The following PDZRN3 variants were observed in gnomAD, a reference collection of about 807,000 sequenced individuals.
PDZRN3 encodes the protein PDZ domain containing ring finger 3.
Under a neutral mutation model 85.7 loss-of-function variants are expected in PDZRN3, and 38 were observed. The observed-to-expected ratio is 0.44, with a 90% CI of 0.34 to 0.58. The LOEUF (loss-of-function observed/expected upper bound fraction) is 0.58. Among genes scored for constraint, PDZRN3 ranks in the 20% least tolerant of loss-of-function variants. PDZRN3 has a pLI of 0.01. For missense variants in PDZRN3, 1,629 were observed against 1,506.4 expected (o/e 1.08, Z -1.35); for synonymous variants, 759 against 638.0 (o/e 1.19, Z -2.86).
At chr3:73,583,907 T>A (rs993619213) in intron 3 of PDZRN3, among the ~76,000 whole-genome samples, 1 of 152,176 alleles carries the variant, frequency 6.6e-6, no homozygotes, top group Non-Finnish European at 1.5e-5. Context: ...CAGCAAGGTG[T>A]CTACCACCAC....
At chr3:73,480,838 C>T (rs1276230552) in intron 3 of PDZRN3, among the ~76,000 whole-genome samples, 10 of 152,150 alleles carry the variant, frequency 6.6e-5, no homozygotes, top group Admixed American at 5.2e-4. Flanking sequence ...GGCCAAAGAC[C>T]CTTGCATTCA....
intron 3 of PDZRN3, among the ~76,000 whole-genome samples, chr3:73,496,015 T>A (rs1703859306): frequency 6.6e-6 from 1 of 151,896 alleles, no homozygotes; most frequent in Admixed American, 6.6e-5. Context: ...TTAATTGATG[T>A]GTTAATTATA....
At chr3:73,588,775 C>T (rs896118713) in intron 3 of PDZRN3, among the ~76,000 whole-genome samples, 1 of 152,210 alleles carries the variant, frequency 6.6e-6, no homozygotes, top group Non-Finnish European at 1.5e-5. Context: ...AAGAATGTTG[C>T]TTTAAGAATA....
rs1202036345 is a variant in PDZRN3, at chr3:73,551,829, G to A, written c.918+50525C>T. 3.3e-5 allele frequency among the ~76,000 whole-genome samples: 5 copies of A among 152,052 alleles called. No individual in the cohort carries two copies. In the East Asian group the frequency reaches 9.6e-4, roughly 29 times the overall value. On this transcript the variant is annotated intron_variant, in intron 3 of 9. Coordinates refer to ENST00000263666, the MANE Select transcript of PDZRN3 (RefSeq NM_015009.3). ...CTACCTTCTTGAAGCAGTAGACTAA[G>A]CCTATGTTTATACCTGCATGTGATT...
intron 3 of PDZRN3, among the ~76,000 whole-genome samples, chr3:73,480,314 G>T (rs1189846602): frequency 1.3e-5 from 2 of 152,144 alleles, no homozygotes; most frequent in African/African-American, 4.8e-5. Context: ...TTGTGATCTG[G>T]TTTTAACACC....
chr3:73,542,816 C>T (rs1316851108), intron 3 of PDZRN3, among the ~76,000 whole-genome samples: 3 of 152,036 alleles, frequency 2.0e-5, no homozygotes, highest in African/African-American at 4.8e-5. Context: ...AAAAGACTCT[C>T]TTGCTGAAGA....
At chr3:73,484,081 C>T (rs1470031314) in intron 3 of PDZRN3, among the ~76,000 whole-genome samples, 3 of 151,750 alleles carry the variant, frequency 2.0e-5, no homozygotes, top group Non-Finnish European at 4.4e-5. Context: ...GATGCGGGGG[C>T]CTGGGGTGGA....
In PDZRN3 at chr3:73,484,760, A is replaced by T. The variant is rs960912490; in HGVS notation, c.919-80365T>A. 3.3e-5 allele frequency among the ~76,000 whole-genome samples: 5 copies of T among 152,304 alleles called. No individual in the cohort carries two copies. In the East Asian group the frequency reaches 9.7e-4, roughly 29 times the overall value. ...CACCAGCAACACCCATGAGCTTCTT[A>T]GAAATTCAGAATCTCAGGCTCCTCT... On this transcript the variant is annotated intron_variant, in intron 3 of 9. Coordinates refer to ENST00000263666, the MANE Select transcript of PDZRN3 (RefSeq NM_015009.3).
chr3:73,462,980 C>T (rs1703139720), intron 3 of PDZRN3, among the ~76,000 whole-genome samples: 1 of 152,154 alleles, frequency 6.6e-6, no homozygotes, highest in South Asian at 2.1e-4. Flanking sequence ...ATGCAATCAC[C>T]TTCAGTCATT....
chr3:73,587,085 C>T (rs1702288737), intron 3 of PDZRN3, among the ~76,000 whole-genome samples: 1 of 152,218 alleles, frequency 6.6e-6, no homozygotes, highest in African/African-American at 2.4e-5. Context: ...ATCAGAAAGA[C>T]ATCTGCTGTT....
chr3:73,582,648 A>G (rs1238230773), intron 3 of PDZRN3, among the ~76,000 whole-genome samples: 1 of 152,132 alleles, frequency 6.6e-6, no homozygotes, highest in Non-Finnish European at 1.5e-5. Context: ...ATCTGGCTGG[A>G]CAGAAATGTG....
intron 1 of PDZRN3, among the ~76,000 whole-genome samples, chr3:73,612,117 A>G (rs1702694767): frequency 6.6e-6 from 1 of 152,230 alleles, no homozygotes; most frequent in Admixed American, 6.5e-5. Flanking sequence ...CTCAAAACAT[A>G]GTAAAACAAA....
intron 3 of PDZRN3, among the ~76,000 whole-genome samples, chr3:73,536,517 G>GA (rs1444114560): frequency 2.0e-5 from 3 of 152,208 alleles, no homozygotes; most frequent in Admixed American, 6.5e-5. Flanking sequence ...CATGTCCACT[G>GA]AAAAAAATAC....
intron 3 of PDZRN3, among the ~76,000 whole-genome samples, chr3:73,562,998 TATATATATATATA>T (rs1701857239): frequency 3.1e-5 from 1 of 32,544 alleles, no homozygotes; most frequent in African/African-American, 1.3e-4. Context: ...TATATATATA[TATATATATATATA>T]TATTTTTTTT....
chr3:73,415,826 A>C (rs994602482), intron 3 of PDZRN3, among the ~76,000 whole-genome samples: 1 of 152,188 alleles, frequency 6.6e-6, no homozygotes, highest in Non-Finnish European at 1.5e-5. Flanking sequence ...ACACCTGTAC[A>C]TATGTGTAAT....
chr3:73,387,024 T>C (rs1003519967), intron 8 of PDZRN3, among the ~76,000 whole-genome samples: 1 of 152,178 alleles, frequency 6.6e-6, no homozygotes, highest in African/African-American at 2.4e-5. Flanking sequence ...TGGTAGTGAA[T>C]AAGTCTCATG....
intron 3 of PDZRN3, among the ~76,000 whole-genome samples, chr3:73,490,176 C>T (rs1388845196): frequency 6.6e-6 from 1 of 152,204 alleles, no homozygotes; most frequent in Non-Finnish European, 1.5e-5. Flanking sequence ...GTGGGGCACA[C>T]CTCTCCCTCT....
At chr3:73,385,162 A>G (rs1701342443) in intron 9 of PDZRN3, among the ~76,000 whole-genome samples, 1 of 152,220 alleles carries the variant, frequency 6.6e-6, no homozygotes, top group Non-Finnish European at 1.5e-5. Flanking sequence ...TAAAATGAGG[A>G]TAATAGTCAC....
chr3:73,540,538 C>T (rs544472576), intron 3 of PDZRN3, among the ~76,000 whole-genome samples: 63 of 152,226 alleles, frequency 4.1e-4, no homozygotes, highest in African/African-American at 1.4e-3. Flanking sequence ...ATCATGGGGG[C>T]GGTTACCCTC....
Sources: gnomAD v4.1 joint callset for allele counts (sites outside exome capture counted in the v4.1 genomes callset) on GRCh38, gnomAD v4.1.1 for gene constraint, MANE v1.5 for transcripts, NCBI Gene and HGNC (gene_info 2026-07-23, HGNC 2026-07-21) for gene names.